The following SEMA3A variants were observed in gnomAD, a reference collection of about 807,000 sequenced individuals.
SEMA3A encodes the protein semaphorin-3A.
In SEMA3A, 29 loss-of-function variants were observed where a neutral mutation model predicts 97.9. The observed-to-expected ratio is 0.30, with a 90% CI of 0.22 to 0.40. The LOEUF (loss-of-function observed/expected upper bound fraction) is 0.40. Among genes scored for constraint, SEMA3A ranks in the 10% least tolerant of loss-of-function variants. The pLI, the probability that SEMA3A is intolerant of heterozygous loss-of-function variation, is 1.00. For missense variants in SEMA3A, 763 were observed against 951.3 expected, an observed-to-expected ratio of 0.80 and a Z score of 2.60; for synonymous variants, 321 against 323.7, an observed-to-expected ratio of 0.99 and a Z score of 0.09.
intron 9 of SEMA3A, among the ~76,000 whole-genome samples, chr7:84,009,906 A>AC (rs1491553775): frequency 8.4e-5 from 2 of 23,908 alleles, no homozygotes; most frequent in Non-Finnish European, 1.8e-4. Context: ...CACTGGTTAC[A>AC]AAAAAAAAAA....
intron 1 of SEMA3A, among the ~76,000 whole-genome samples, chr7:84,438,297 A>G (rs1922349): frequency 0.11 from 17,485 of 152,104 alleles, 1,896 homozygotes; most frequent in African/African-American, 0.27. Flanking sequence ...GCAGGCATAA[A>G]TTATAAAATA....
At chr7:84,002,802 T>TATAG (rs67641129) in intron 11 of SEMA3A, among the ~76,000 whole-genome samples, 36,909 of 151,968 alleles carry the variant, frequency 0.24, 4,625 homozygotes, top group South Asian at 0.31. Flanking sequence ...ATGCATTTTA[T>TATAG]AGAGATTTCA....
intron 3 of SEMA3A, among the ~76,000 whole-genome samples, chr7:84,241,874 TTAAA>T (rs1799372631): frequency 6.6e-6 from 1 of 152,194 alleles, no homozygotes; most frequent in Non-Finnish European, 1.5e-5. Flanking sequence ...AAAGCATTTA[TTAAA>T]TAGAGAGTCT....
intron 1 of SEMA3A, among the ~76,000 whole-genome samples, chr7:84,418,327 C>T (rs550874865): frequency 6.6e-6 from 1 of 152,034 alleles, no homozygotes; most frequent in African/African-American, 2.4e-5. Context: ...AGAGCATGTG[C>T]AGGGGAACTC....
At chr7:84,093,949 C>T (rs149165599) in intron 4 of SEMA3A, among the ~76,000 whole-genome samples, 1,710 of 151,444 alleles carry the variant, frequency 0.011, 30 homozygotes, top group African/African-American at 0.039. Context: ...AGAAAGGATG[C>T]CAAGGTGGGA....
chr7:84,488,349 C>CACACATAT (rs59656940), intron 1 of SEMA3A, among the ~76,000 whole-genome samples: 1 of 145,450 alleles, frequency 6.9e-6, no homozygotes, highest in African/African-American at 2.5e-5. Context: ...CACACACACA[C>CACACATAT]ATATATATAT....
At chr7:84,361,792 G>A (rs1021028333) in intron 2 of SEMA3A, among the ~76,000 whole-genome samples, 25 of 151,892 alleles carry the variant, frequency 1.6e-4, no homozygotes, top group African/African-American at 6.0e-4. Flanking sequence ...CATCTTTATG[G>A]GTAGGCCAGG....
intron 3 of SEMA3A, among the ~76,000 whole-genome samples, chr7:84,200,799 T>C (rs80182760): frequency 1.1e-4 from 2 of 18,600 alleles, no homozygotes; most frequent in African/African-American, 3.5e-4. Flanking sequence ...TTTTTTTTCC[T>C]TTTTTTTTTT....
chr7:84,460,474 G>A (rs1310045765), intron 1 of SEMA3A, among the ~76,000 whole-genome samples: 1 of 151,278 alleles, frequency 6.6e-6, no homozygotes, highest in Non-Finnish European at 1.5e-5. Flanking sequence ...GCAACTTAAA[G>A]GTTATTATGT....
At chr7:84,037,824 GATA>G (rs1236265402) in intron 6 of SEMA3A, among the ~76,000 whole-genome samples, 1 of 151,900 alleles carries the variant, frequency 6.6e-6, no homozygotes, top group Non-Finnish European at 1.5e-5. Flanking sequence ...AAATGTATAT[GATA>G]ATAAGAAAGT....
chr7:84,442,701 T>G (rs988588367), intron 1 of SEMA3A, among the ~76,000 whole-genome samples: 1 of 152,088 alleles, frequency 6.6e-6, no homozygotes, highest in Non-Finnish European at 1.5e-5. Context: ...CAAATGAACA[T>G]AAGCCAACTA....
chr7:84,440,925 G>A (rs1470965639), intron 1 of SEMA3A, among the ~76,000 whole-genome samples: 5 of 152,266 alleles, frequency 3.3e-5, no homozygotes, highest in Middle Eastern at 3.4e-3. Context: ...TTGGGAGGCC[G>A]AGGTGGGCAG....
At chr7:83,982,617 A>G (rs1789461067) in intron 13 of SEMA3A, among the ~76,000 whole-genome samples, 1 of 152,188 alleles carries the variant, frequency 6.6e-6, no homozygotes, top group African/African-American at 2.4e-5. Flanking sequence ...TCATACATTG[A>G]AAAGACATCA....
intron 4 of SEMA3A, among the ~76,000 whole-genome samples, chr7:84,088,189 C>T (rs1794439754): frequency 1.3e-5 from 2 of 152,134 alleles, no homozygotes; most frequent in Admixed American, 1.3e-4. Flanking sequence ...GGCGCAGTGG[C>T]TCATGCCTAT....
Position 84,313,382 on chromosome 7 carries a change from A to G in SEMA3A, c.-168-6090T>C, listed in dbSNP as rs868617999. ...TATATATATATATATATATATATAT[A>G]TATATATATATATATATATATATAA... On this transcript the variant is annotated intron_variant, in intron 2 of 3. Transcript: ENST00000424555. 2.0e-3 allele frequency among the ~76,000 whole-genome samples: 162 copies of G among 82,262 alleles called. 9 individuals carry two copies. The highest frequency in any genetic ancestry group is 6.9e-3 in the African/African-American group (157 of 22,604). The allele number at this position is 82,262 out of a possible 152,430, so 54.0% of individuals were successfully genotyped here.
At chr7:84,271,172 CT>C (rs1800143608) in intron 3 of SEMA3A, among the ~76,000 whole-genome samples, 1 of 151,990 alleles carries the variant, frequency 6.6e-6, no homozygotes, top group Admixed American at 6.6e-5. Flanking sequence ...GCTACCTCCT[CT>C]GATGTGTACT....
At chr7:84,253,712 G>T (rs1799658071) in intron 3 of SEMA3A, among the ~76,000 whole-genome samples, 1 of 152,138 alleles carries the variant, frequency 6.6e-6, no homozygotes, top group Non-Finnish European at 1.5e-5. Context: ...GGCAAATGCT[G>T]TAAGAGAGAA....
Position 84,194,573 on chromosome 7 carries a change from G to T in SEMA3A, c.14C>A (p.Thr5Asn). The T allele has an allele frequency of 6.2e-7, 1 of 1,609,434 alleles. No homozygotes were observed. The change falls in exon 1 of 17, where the codon ACT becomes AAT. Residue 5 changes from threonine to asparagine, a missense_variant. Thr to Asn is a moderately conservative substitution (Grantham distance 65). Transcript: ENST00000265362. The part of the protein sequence containing the change: MGWL[T>N]RIVCLFWGVL... ...TCCCCAGAAAAGACAGACAATCCTA[G>T]TTAACCAGCCCATGCTGCAGACGCT...
intron 4 of SEMA3A, among the ~76,000 whole-genome samples, chr7:84,091,171 A>G (rs9791396): frequency 0.37 from 19,266 of 52,082 alleles, 4,227 homozygotes; most frequent in African/African-American, 0.45. Context: ...AAGGAAGGAA[A>G]GAAAGAAAGA....
Sources: allele counts gnomAD v4.1 joint callset (sites outside exome capture counted in the v4.1 genomes callset), GRCh38; gene constraint gnomAD v4.1.1; transcripts MANE v1.5; gene names NCBI Gene and HGNC (gene_info 2026-07-23, HGNC 2026-07-21).